The following PEX5L variants were observed in gnomAD, a reference collection of about 807,000 sequenced individuals.
PEX5L encodes PEX5-related protein.
PEX5L carries 30 observed loss-of-function variants against 84.0 expected under a neutral mutation model. That is an observed-to-expected ratio of 0.36 (90% CI 0.27 to 0.48). The LOEUF (loss-of-function observed/expected upper bound fraction) is 0.48. Ranked by LOEUF, PEX5L falls within the 20% of genes least tolerant of loss-of-function variation. PEX5L has a pLI of 0.99. For synonymous variants in PEX5L, 270 were observed against 283.1 expected, an observed-to-expected ratio of 0.95 and a Z score of 0.46; for missense variants, 533 against 754.6, an observed-to-expected ratio of 0.71 and a Z score of 3.44.
At chr3:179,813,906 G>A (rs1266556171) in intron 10 of PEX5L, among the ~76,000 whole-genome samples, 2 of 151,218 alleles carry the variant, frequency 1.3e-5, no homozygotes, top group African/African-American at 2.4e-5. Context: ...TCGATCTCCT[G>A]ACCTCATGAT....
chr3:180,007,217 C>A (rs1365388017), intron 1 of PEX5L, among the ~76,000 whole-genome samples: 1 of 152,180 alleles, frequency 6.6e-6, no homozygotes, highest in Non-Finnish European at 1.5e-5. Flanking sequence ...AGGACCCATG[C>A]AAGTCCAAAA....
intron 8 of PEX5L, among the ~76,000 whole-genome samples, chr3:179,840,648 T>C (rs1736894233): frequency 6.6e-6 from 1 of 152,046 alleles, no homozygotes; most frequent in Non-Finnish European, 1.5e-5. Context: ...ATGCTGCTGG[T>C]ATGGATTAAG....
chr3:179,844,145 G>C (rs1175303568), intron 8 of PEX5L, among the ~76,000 whole-genome samples: 2 of 152,114 alleles, frequency 1.3e-5, no homozygotes, highest in African/African-American at 4.8e-5. Flanking sequence ...CTTTACAGTG[G>C]TCTGTATATA....
chr3:179,862,906 T>C (rs1223946603), intron 7 of PEX5L, among the ~76,000 whole-genome samples: 1 of 151,998 alleles, frequency 6.6e-6, no homozygotes, highest in South Asian at 2.1e-4. Flanking sequence ...AAGAACAACA[T>C]TGGAGGGATA....
chr3:179,954,215 G>GA (rs71182526), intron 2 of PEX5L, among the ~76,000 whole-genome samples: 1 of 139,986 alleles, frequency 7.1e-6, no homozygotes, highest in African/African-American at 2.8e-5. Context: ...GGGGGGGGGG[G>GA]AAAAAGTCAG....
In PEX5L at chr3:179,871,577, C is replaced by A. The variant is rs577306187; in HGVS notation, c.726+2750G>T. On this transcript the variant is annotated intron_variant, in intron 7 of 14. Transcript: ENST00000467460. ...TAAAGATTTCTCTGTACATAGTGAACCATAACCTAAATGGAGATGTAAACA... is the reference window on the plus strand; with the variant it reads ...TAAAGATTTCTCTGTACATAGTGAAACATAACCTAAATGGAGATGTAAACA... Among the ~76,000 whole-genome samples the A allele has an allele frequency of 2.0e-5, 3 of 152,302 alleles. No individual in the cohort carries two copies. In the South Asian group the frequency reaches 6.2e-4, roughly 32 times the overall value.
chr3:179,820,826 G>A (rs1008813903), intron 8 of PEX5L, among the ~76,000 whole-genome samples: 1 of 152,214 alleles, frequency 6.6e-6, no homozygotes, highest in Admixed American at 6.5e-5. Context: ...AGGGGCAGGA[G>A]GAAGAAGCAA....
At chr3:179,934,624 A>G (rs933234478) in intron 2 of PEX5L, among the ~76,000 whole-genome samples, 1 of 152,180 alleles carries the variant, frequency 6.6e-6, no homozygotes, top group African/African-American at 2.4e-5. Context: ...TCTCCACTTT[A>G]TTTCCATTGA....
rs991477782 is a variant in PEX5L at position 179,867,730 on chromosome 3, C to T, written c.726+6597G>A. Among the ~76,000 whole-genome samples the T allele has an allele frequency of 2.8e-4, 43 of 152,096 alleles. 1 individual carries two copies. Among genetic ancestry groups the T allele is most frequent in the African/African-American group, 6.8e-4 (28 of 41,410 alleles). On this transcript the variant is annotated intron_variant, in intron 7 of 14. Coordinates refer to ENST00000467460, the MANE Select transcript of PEX5L (RefSeq NM_016559.3). ...ATTTGTTGAACTGAATGGAATGAAA[C>T]GGAAGCCATCAATACTTCTAAAAGT...
chr3:179,956,051 G>A (rs1006308588), intron 2 of PEX5L, among the ~76,000 whole-genome samples: 2 of 152,100 alleles, frequency 1.3e-5, no homozygotes, highest in Non-Finnish European at 1.5e-5. Context: ...TAATCCTCTC[G>A]AGTGGCTCAA....
intron 1 of PEX5L, among the ~76,000 whole-genome samples, chr3:179,992,885 T>C (rs1787510830): frequency 8.7e-6 from 1 of 114,720 alleles, no homozygotes; most frequent in African/African-American, 3.9e-5. Context: ...TATGTATGTG[T>C]CTATGTATGT....
At chr3:179,986,330 TC>T (rs1472031733) in intron 1 of PEX5L, among the ~76,000 whole-genome samples, 4 of 151,924 alleles carry the variant, frequency 2.6e-5, no homozygotes, top group African/African-American at 9.6e-5. Flanking sequence ...TTAGAATAAT[TC>T]CTTGAGTTTG....
At chr3:179,961,189 TTGTGTATGTGTA>T (rs199506643) in intron 2 of PEX5L, among the ~76,000 whole-genome samples, 2 of 144,742 alleles carry the variant, frequency 1.4e-5, no homozygotes, top group Admixed American at 1.4e-4. Context: ...GAATGATCAC[TTGTGTATGTGTA>T]TGTGTGTGTG....
At chr3:179,816,311 C>T (rs572714178) in intron 9 of PEX5L, among the ~76,000 whole-genome samples, 31 of 152,310 alleles carry the variant, frequency 2.0e-4, no homozygotes, top group African/African-American at 7.5e-4. Flanking sequence ...CAGCACTATT[C>T]ACAATAGCAA....
intron 2 of PEX5L, among the ~76,000 whole-genome samples, chr3:179,964,029 G>A (rs1203840610): frequency 6.6e-6 from 1 of 151,978 alleles, no homozygotes; most frequent in African/African-American, 2.4e-5. Context: ...ATGTCACGGG[G>A]ATATGCTGTG....
At chr3:179,988,362 C>T (rs1435262380) in intron 1 of PEX5L, among the ~76,000 whole-genome samples, 1 of 150,760 alleles carries the variant, frequency 6.6e-6, no homozygotes, top group African/African-American at 2.5e-5. Flanking sequence ...GATCATGCCA[C>T]TGGGCGACAG....
chr3:179,887,827 T>C, intron 3 of PEX5L, 43 bp from the exon 4 acceptor site: 1 of 1,301,352 alleles, frequency 7.7e-7, no homozygotes, highest in Middle Eastern at 1.8e-4. Flanking sequence ...TTTGTTAAAC[T>C]GCAGAGTCAG....
Position 179,797,605 on chromosome 3 carries a change from A to AAAAAAT in PEX5L, c.*4222_*4223insATTTTT, listed in dbSNP as rs1553807980. 3.4e-5 allele frequency: 3 copies of AAAAAAT among 89,160 alleles called. No homozygotes were observed. In the South Asian group the frequency reaches 1.2e-3, roughly 35 times the overall value. The allele number at this position is 89,160 out of a possible 1,614,324, so 5.5% of individuals were successfully genotyped here. On this transcript the variant is annotated 3_prime_UTR_variant, in exon 15 of 15. Transcript: ENST00000467460. The stretch of plus-strand genomic sequence containing the variant: ...AACACTCTTTAAAAAAAAAAAAAAA[A>AAAAAAT]ATATATATATATATATATATATATA...
chr3:179,889,116 T>G (rs892224076), intron 3 of PEX5L, among the ~76,000 whole-genome samples: 2 of 152,112 alleles, frequency 1.3e-5, no homozygotes, highest in African/African-American at 4.8e-5. Context: ...TTAAGTTGCA[T>G]TTTAAGAGGC....
Sources: gnomAD v4.1 joint callset for allele counts (sites outside exome capture counted in the v4.1 genomes callset) on GRCh38, gnomAD v4.1.1 for gene constraint, MANE v1.5 for transcripts, NCBI Gene and HGNC (gene_info 2026-07-23, HGNC 2026-07-21) for gene names.